PTPRK: variants seen among roughly 807,000 people sequenced by gnomAD.
The protein encoded by PTPRK is protein tyrosine phosphatase receptor type K, also known as receptor-type tyrosine-protein phosphatase kappa.
A neutral mutation model predicts 178.0 loss-of-function variants in PTPRK; 75 were observed. The ratio of observed to expected loss-of-function variants is 0.42; its 90% confidence interval spans 0.35 to 0.51. PTPRK has a LOEUF of 0.51. Among genes scored for constraint, PTPRK ranks in the 20% least tolerant of loss-of-function variants. The probability of loss-of-function intolerance (pLI) is 0.02; values close to 1 mark genes in which losing one functional copy is unlikely to be tolerated. For missense variants in PTPRK, 1,441 were observed against 1,797.8 expected (o/e 0.80, Z 3.59); for synonymous variants, 637 against 620.6 (o/e 1.03, Z -0.39).
chr6:128,210,196 G>A (rs562578485), intron 6 of PTPRK, among the ~76,000 whole-genome samples: 28 of 152,040 alleles, frequency 1.8e-4, no homozygotes, highest in South Asian at 6.2e-4. Flanking sequence ...TATGAATAAC[G>A]GAATCTATTT....
intron 7 of PTPRK, among the ~76,000 whole-genome samples, chr6:128,175,660 T>C (rs1800950993): frequency 2.0e-5 from 3 of 151,780 alleles, no homozygotes; most frequent in African/African-American, 4.8e-5. Flanking sequence ...AGAAAAATAA[T>C]AGTGCATTGA....
At chr6:128,256,666 G>C (rs1817374331) in intron 3 of PTPRK, among the ~76,000 whole-genome samples, 1 of 151,744 alleles carries the variant, frequency 6.6e-6, no homozygotes, top group Non-Finnish European at 1.5e-5. Context: ...TCGATCTCCT[G>C]ACCTCGTGAT....
At chr6:128,463,750 T>G (rs1349955309) in intron 1 of PTPRK, among the ~76,000 whole-genome samples, 2 of 138,664 alleles carry the variant, frequency 1.4e-5, no homozygotes, top group South Asian at 2.5e-4. Context: ...GGTTTTTTTT[T>G]TTTTTTTTTT....
rs77787078 is a variant in PTPRK at position 128,442,660 on chromosome 6, G to A, written c.101-44972C>T. ...TGGTGAGCTTCCAAAGAATAAAAGT[G>A]CATCTTCATACATAACGAAAAGTAT... On this transcript the variant is annotated intron_variant, in intron 1 of 29. Coordinates refer to ENST00000368226, the MANE Select transcript of PTPRK (RefSeq NM_002844.4). 8.8e-3 allele frequency among the ~76,000 whole-genome samples: 1,345 copies of A among 152,252 alleles called. 21 individuals are homozygous for A. The highest frequency in any genetic ancestry group is 0.031 in the African/African-American group (1,267 of 41,526).
chr6:127,979,366 T>A (rs912036314), intron 25 of PTPRK, among the ~76,000 whole-genome samples: 1 of 152,248 alleles, frequency 6.6e-6, no homozygotes, highest in Non-Finnish European at 1.5e-5. Context: ...TTCAAAGGCA[T>A]CAATGCTTTT....
At chr6:128,207,247 T>C (rs1053994690) in intron 6 of PTPRK, among the ~76,000 whole-genome samples, 1 of 152,160 alleles carries the variant, frequency 6.6e-6, no homozygotes, top group Non-Finnish European at 1.5e-5. Context: ...ATCTCATCCA[T>C]CTTTTGCATC....
intron 7 of PTPRK, among the ~76,000 whole-genome samples, chr6:128,096,436 T>G (rs187536238): frequency 6.6e-6 from 1 of 152,162 alleles, no homozygotes; most frequent in African/African-American, 2.4e-5. Context: ...CAGGTCAATA[T>G]CCCTGTCTTT....
At chr6:128,407,028 G>A (rs2128375815) in intron 1 of PTPRK, among the ~76,000 whole-genome samples, 1 of 152,264 alleles carries the variant, frequency 6.6e-6, no homozygotes, top group African/African-American at 2.4e-5. Context: ...TACCAACAAA[G>A]AAACTATTTG....
Position 128,431,421 on chromosome 6 carries a change from T to C in PTPRK, c.101-33733A>G, listed in dbSNP as rs1000753243. The stretch of plus-strand genomic sequence containing the variant: ...AGCTAAGCAGTCTGAAAATGTCTTT[T>C]TTAATAAATAAAACACCAGATTCCA... On this transcript the variant is annotated intron_variant, in intron 1 of 29. Coordinates refer to ENST00000368226, the MANE Select transcript of PTPRK (RefSeq NM_002844.4). Among the ~76,000 whole-genome samples, 10 of 152,186 alleles carry C rather than the reference T, an allele frequency of 6.6e-5. No homozygotes were observed. The East Asian group carries it at 1.7e-3, about 26-fold the overall frequency.
chr6:128,115,830 G>A (rs2114365251), intron 7 of PTPRK, among the ~76,000 whole-genome samples: 1 of 152,150 alleles, frequency 6.6e-6, no homozygotes, highest in East Asian at 1.9e-4. Context: ...TGGAAAATAA[G>A]TGAATTTCCT....
At chr6:128,467,438 T>G (rs1346339878) in intron 1 of PTPRK, among the ~76,000 whole-genome samples, 1 of 152,222 alleles carries the variant, frequency 6.6e-6, no homozygotes, top group African/African-American at 2.4e-5. Flanking sequence ...CCAGTGAGTT[T>G]AGATATCCAC....
chr6:128,026,917 A>G (rs1774411510), intron 13 of PTPRK, among the ~76,000 whole-genome samples: 1 of 152,194 alleles, frequency 6.6e-6, no homozygotes, highest in African/African-American at 2.4e-5. Flanking sequence ...GGTGTGTGAC[A>G]CAGCCTGTAG....
intron 1 of PTPRK, among the ~76,000 whole-genome samples, chr6:128,498,494 G>C (rs1237440568): frequency 1.3e-5 from 2 of 152,122 alleles, no homozygotes; most frequent in East Asian, 3.9e-4. Flanking sequence ...TCTGCTTTTA[G>C]CAAGATGAGG....
At chr6:128,473,100 C>A (rs1181677110) in intron 1 of PTPRK, among the ~76,000 whole-genome samples, 1 of 152,088 alleles carries the variant, frequency 6.6e-6, no homozygotes, top group Non-Finnish European at 1.5e-5. Flanking sequence ...CAGGATCCTG[C>A]ATGGCATTTA....
intron 5 of PTPRK, chr6:128,238,200 AAAGAAAAG>A (rs1562847728): frequency 5.1e-6 from 2 of 394,848 alleles, no homozygotes; most frequent in Non-Finnish European, 4.7e-6. Context: ...AAAAAAAAAA[AAAGAAAAG>A]AAAAAAAAAA....
intron 13 of PTPRK, among the ~76,000 whole-genome samples, chr6:128,059,981 C>T (rs1308887299): frequency 6.6e-6 from 1 of 152,104 alleles, no homozygotes; most frequent in Non-Finnish European, 1.5e-5. Context: ...AGGTCCTCAA[C>T]TCATATCTTT....
At chr6:128,500,204 G>A (rs1412719703) in intron 1 of PTPRK, among the ~76,000 whole-genome samples, 1 of 152,148 alleles carries the variant, frequency 6.6e-6, no homozygotes, top group African/African-American at 2.4e-5. Context: ...GTGAAGGAGT[G>A]GCTAAATATA....
chr6:128,494,299 A>G (rs1854346203), intron 1 of PTPRK, among the ~76,000 whole-genome samples: 1 of 152,078 alleles, frequency 6.6e-6, no homozygotes, highest in Non-Finnish European at 1.5e-5. Context: ...GACATTCACC[A>G]TCACCATTTT....
chr6:128,411,728 A>C (rs1159597959), intron 1 of PTPRK, among the ~76,000 whole-genome samples: 1 of 152,222 alleles, frequency 6.6e-6, no homozygotes, highest in African/African-American at 2.4e-5. Context: ...AAATTACTTA[A>C]CACAGTTCAC....
Sources: allele counts gnomAD v4.1 joint callset (sites outside exome capture counted in the v4.1 genomes callset), GRCh38; gene constraint gnomAD v4.1.1; transcripts MANE v1.5; gene names NCBI Gene and HGNC (gene_info 2026-07-23, HGNC 2026-07-21).